The following LRP1B variants were observed in gnomAD, a reference collection of about 807,000 sequenced individuals.
LRP1B encodes LDL receptor related protein 1B.
A neutral mutation model predicts 556.6 loss-of-function variants in LRP1B; 217 were observed. That is an observed-to-expected ratio of 0.39 (90% CI 0.35 to 0.44). The LOEUF (loss-of-function observed/expected upper bound fraction) is 0.44, where lower values mean the gene tolerates loss of function less well. Among genes scored for constraint, LRP1B ranks in the 20% least tolerant of loss-of-function variants. The probability of loss-of-function intolerance (pLI) is 1.00; values close to 1 mark genes in which losing one functional copy is unlikely to be tolerated. For missense variants in LRP1B, 5,053 were observed against 5,620.8 expected (o/e 0.90, Z 3.23); for synonymous variants, 2,047 against 1,865.8 (o/e 1.10, Z -2.50).
chr2:141,917,045 T>C (rs1700056996), intron 1 of LRP1B, among the ~76,000 whole-genome samples: 2 of 152,174 alleles, frequency 1.3e-5, no homozygotes, highest in Non-Finnish European at 2.9e-5. Context: ...CCTTTCCAAA[T>C]ATGAACATAT....
intron 21 of LRP1B, among the ~76,000 whole-genome samples, chr2:140,910,019 A>T (rs1694369827): frequency 6.6e-6 from 1 of 151,274 alleles, no homozygotes; most frequent in South Asian, 2.1e-4. Context: ...ATCCTTTCAA[A>T]ATAGTAACAT....
chr2:141,819,837 T>A (rs1224565763), intron 1 of LRP1B, among the ~76,000 whole-genome samples: 2 of 152,168 alleles, frequency 1.3e-5, no homozygotes, highest in Non-Finnish European at 2.9e-5. Context: ...TATCTATCTA[T>A]GGAAACATCA....
chr2:140,683,146 C>G (rs1255467820), intron 41 of LRP1B, among the ~76,000 whole-genome samples: 1 of 151,834 alleles, frequency 6.6e-6, no homozygotes, highest in Non-Finnish European at 1.5e-5. Context: ...TTTTTTTAAA[C>G]CTTAATTTAC....
At chr2:141,644,643 G>A (rs1365191800) in intron 2 of LRP1B, among the ~76,000 whole-genome samples, 1 of 151,400 alleles carries the variant, frequency 6.6e-6, no homozygotes, top group Non-Finnish European at 1.5e-5. Context: ...TGTCCACATG[G>A]GCCATTTTGC....
chr2:142,049,650 G>A (rs971287878), intron 1 of LRP1B, among the ~76,000 whole-genome samples: 1 of 151,946 alleles, frequency 6.6e-6, no homozygotes, highest in African/African-American at 2.4e-5. Flanking sequence ...CTGCCCAATT[G>A]TCTTTAAAAG....
At chr2:142,065,976 G>C (rs1263020475) in intron 1 of LRP1B, among the ~76,000 whole-genome samples, 1 of 151,068 alleles carries the variant, frequency 6.6e-6, no homozygotes, top group East Asian at 2.0e-4. Context: ...AAAACAATTT[G>C]CTCCCAAAGT....
chr2:141,555,286 CAGA>C (rs1559138669), intron 2 of LRP1B, among the ~76,000 whole-genome samples: 2 of 151,966 alleles, frequency 1.3e-5, no homozygotes, highest in Non-Finnish European at 1.5e-5. Flanking sequence ...ATGAAATGCT[CAGA>C]AGGAGTGGTG....
intron 11 of LRP1B, among the ~76,000 whole-genome samples, chr2:141,027,764 G>A (rs970402702): frequency 3.3e-5 from 5 of 152,052 alleles, no homozygotes; most frequent in African/African-American, 1.2e-4. Flanking sequence ...GAAAATATTT[G>A]GGGGTAATTA....
At chr2:141,649,952 G>A (rs1376346770) in intron 2 of LRP1B, among the ~76,000 whole-genome samples, 1 of 152,200 alleles carries the variant, frequency 6.6e-6, no homozygotes, top group African/African-American at 2.4e-5. Flanking sequence ...GGCCGAAGCA[G>A]ATGGATCATC....
At chr2:140,426,316 G>GA (rs1229078848) in intron 66 of LRP1B, among the ~76,000 whole-genome samples, 6 of 152,050 alleles carry the variant, frequency 3.9e-5, no homozygotes, top group African/African-American at 4.8e-5. Context: ...AATTCTGAAA[G>GA]AAAAAATGTA....
rs768781723 is a variant in LRP1B, at chr2:141,339,929, C to G, written c.344-85288G>C. On this transcript the variant is annotated intron_variant, in intron 3 of 90. Transcript: ENST00000389484. ...TAGGTAATTTTTCAGCTTTCACCCC[C>G]CTCCAAACCTCCCCACCACTGGAGT... Among the ~76,000 whole-genome samples, 16 of 152,152 alleles carry G rather than the reference C, an allele frequency of 1.1e-4. 2 individuals are homozygous for G. In the South Asian group the frequency reaches 2.5e-3, roughly 24 times the overall value.
chr2:140,413,643 G>T (rs1685056873), intron 66 of LRP1B, among the ~76,000 whole-genome samples: 1 of 152,092 alleles, frequency 6.6e-6, no homozygotes, highest in Non-Finnish European at 1.5e-5. Flanking sequence ...AAAACTATTT[G>T]TGTTATCTTC....
chr2:141,801,462 G>A (rs1696003158), intron 2 of LRP1B, among the ~76,000 whole-genome samples: 1 of 151,984 alleles, frequency 6.6e-6, no homozygotes, highest in Non-Finnish European at 1.5e-5. Context: ...CCTGTTTTTT[G>A]TGTTGTAACG....
chr2:140,887,109 T>C (rs1693659989), intron 23 of LRP1B, among the ~76,000 whole-genome samples: 1 of 152,200 alleles, frequency 6.6e-6, no homozygotes, highest in Non-Finnish European at 1.5e-5. Flanking sequence ...ACTTAGATAT[T>C]GCAGTTATTT....
intron 7 of LRP1B, among the ~76,000 whole-genome samples, chr2:141,081,025 G>T (rs1176451985): frequency 6.6e-6 from 1 of 152,048 alleles, no homozygotes; most frequent in Non-Finnish European, 1.5e-5. Context: ...TAGTGATGGG[G>T]TTTTGCCATG....
At chr2:141,907,444 C>A (rs1389625807) in intron 1 of LRP1B, among the ~76,000 whole-genome samples, 1 of 151,736 alleles carries the variant, frequency 6.6e-6, no homozygotes, top group African/African-American at 2.4e-5. Context: ...TAAATTTATA[C>A]CTCCCCTTTC....
At chr2:140,449,993 C>A (rs1402963142) in intron 63 of LRP1B, among the ~76,000 whole-genome samples, 2 of 152,130 alleles carry the variant, frequency 1.3e-5, no homozygotes, top group African/African-American at 4.8e-5. Context: ...GAAAAAGCAG[C>A]AGCTAACCAT....
intron 2 of LRP1B, among the ~76,000 whole-genome samples, chr2:141,727,875 C>T (rs1050061946): frequency 2.6e-5 from 4 of 152,004 alleles, no homozygotes; most frequent in African/African-American, 9.7e-5. Context: ...TGTGCAAAAA[C>T]TTCCAAGTTA....
intron 77 of LRP1B, among the ~76,000 whole-genome samples, chr2:140,337,497 T>C (rs1349597721): frequency 6.6e-6 from 1 of 151,884 alleles, no homozygotes; most frequent in Non-Finnish European, 1.5e-5. Context: ...CGTATTTTTA[T>C]TTTCAACTTG....
Sources: gnomAD v4.1 joint callset for allele counts (sites outside exome capture counted in the v4.1 genomes callset) on GRCh38, gnomAD v4.1.1 for gene constraint, MANE v1.5 for transcripts, NCBI Gene and HGNC (gene_info 2026-07-23, HGNC 2026-07-21) for gene names.